Variants in CDK14 observed in about 807,000 individuals in gnomAD.
The protein encoded by CDK14 is cyclin-dependent kinase 14.
In CDK14, 34 loss-of-function variants were observed where a neutral mutation model predicts 60.7. That is an observed-to-expected ratio of 0.56 (90% CI 0.43 to 0.75). The LOEUF is 0.75. CDK14 is among the 30% of genes least tolerant of loss of function. CDK14 has a pLI of 0.00. For missense variants in CDK14, 482 were observed against 564.1 expected (o/e 0.85, Z 1.47); for synonymous variants, 197 against 203.7 (o/e 0.97, Z 0.28).
intron 10 of CDK14, 26 bp from the exon 11 acceptor site, chr7:91,045,871 T>C (rs760229250): frequency 6.6e-7 from 1 of 1,518,530 alleles, no homozygotes; most frequent in Non-Finnish European, 9.1e-7. Flanking sequence ...ATAAGGCTGT[T>C]TCCACAATCT....
At chr7:91,044,702 T>C (rs1200932363) in intron 10 of CDK14, among the ~76,000 whole-genome samples, 1 of 152,174 alleles carries the variant, frequency 6.6e-6, no homozygotes, top group Non-Finnish European at 1.5e-5. Flanking sequence ...TATCTAGTGG[T>C]CCTTCTTCTC....
chr7:90,934,096 A>G (rs572331567), intron 8 of CDK14, among the ~76,000 whole-genome samples: 9 of 152,308 alleles, frequency 5.9e-5, no homozygotes, highest in Admixed American at 1.3e-4. Context: ...CCAAGCTCCA[A>G]CCTTCATCAT....
At chr7:90,816,443 G>A (rs975099181) in intron 5 of CDK14, among the ~76,000 whole-genome samples, 2 of 152,122 alleles carry the variant, frequency 1.3e-5, no homozygotes, top group Non-Finnish European at 2.9e-5. Flanking sequence ...CAGTTTCTAG[G>A]ACTTATTTTC....
intron 5 of CDK14, among the ~76,000 whole-genome samples, chr7:90,830,160 G>T (rs1295264755): frequency 6.6e-6 from 1 of 152,148 alleles, no homozygotes; most frequent in African/African-American, 2.4e-5. Context: ...CCTAGTAGAG[G>T]TTCTCTATAA....
At chr7:90,626,458 C>T (rs1398360536) in intron 2 of CDK14, among the ~76,000 whole-genome samples, 1 of 152,146 alleles carries the variant, frequency 6.6e-6, no homozygotes, top group African/African-American at 2.4e-5. Context: ...CTCCAAAATT[C>T]ATGTTTTCTG....
At chr7:90,752,867 T>C (rs1008607292) in intron 4 of CDK14, among the ~76,000 whole-genome samples, 10 of 152,144 alleles carry the variant, frequency 6.6e-5, no homozygotes, top group Non-Finnish European at 1.0e-4. Flanking sequence ...TAGGAACAAC[T>C]CTATGTATAC....
chr7:90,955,342 G>C (rs1313028051), intron 8 of CDK14, among the ~76,000 whole-genome samples: 1 of 152,048 alleles, frequency 6.6e-6, no homozygotes, highest in African/African-American at 2.4e-5. Flanking sequence ...TTTTTTCTCA[G>C]TTATTTGACC....
At chr7:90,916,413 C>T (rs879714344) in intron 7 of CDK14, among the ~76,000 whole-genome samples, 2 of 152,184 alleles carry the variant, frequency 1.3e-5, no homozygotes, top group Non-Finnish European at 2.9e-5. Context: ...TACATATTCT[C>T]GCATACAAAG....
intron 4 of CDK14, among the ~76,000 whole-genome samples, chr7:90,763,459 C>T (rs548681611): frequency 7.2e-5 from 11 of 152,164 alleles, no homozygotes; most frequent in African/African-American, 2.2e-4. Flanking sequence ...ATTTGGGGGC[C>T]GTGTTTTAAA....
chr7:90,884,352 A>G (rs1791873620), intron 6 of CDK14, among the ~76,000 whole-genome samples: 1 of 152,196 alleles, frequency 6.6e-6, no homozygotes, highest in African/African-American at 2.4e-5. Context: ...AAAGAGAATA[A>G]AATACCTAGG....
rs1175043057 is a variant in CDK14 at position 91,022,235 on chromosome 7, A to G, written c.1042-23662A>G. ...TGAGGAGCCAAGAGGCAGCTTCAGTAGTTGTATAATTCATACTCTGTGTCT... is the reference window on the plus strand; with the variant it reads ...TGAGGAGCCAAGAGGCAGCTTCAGTGGTTGTATAATTCATACTCTGTGTCT... On this transcript the variant is annotated intron_variant, in intron 10 of 14. Transcript: ENST00000380050. Among the ~76,000 whole-genome samples, 3 of 152,162 alleles carry G rather than the reference A, an allele frequency of 2.0e-5. No individual in the cohort carries two copies. In the South Asian group the frequency reaches 6.2e-4, roughly 32 times the overall value.
intron 14 of CDK14, among the ~76,000 whole-genome samples, chr7:91,189,034 A>G (rs943540349): frequency 6.6e-6 from 1 of 152,200 alleles, no homozygotes. Context: ...AACTTAGCAT[A>G]TTATCTTTTT....
chr7:90,959,324 C>T (rs1293954342), intron 9 of CDK14, among the ~76,000 whole-genome samples: 8 of 152,112 alleles, frequency 5.3e-5, no homozygotes, highest in Admixed American at 5.2e-4. Context: ...GGTACACCTG[C>T]CTGTCTGAAT....
intron 2 of CDK14, among the ~76,000 whole-genome samples, chr7:90,693,574 A>G (rs1052733049): frequency 6.6e-6 from 1 of 152,058 alleles, no homozygotes. Context: ...AGAGCGGGAG[A>G]GCAGAAATTG....
intron 5 of CDK14, among the ~76,000 whole-genome samples, chr7:90,861,379 A>G (rs1791004651): frequency 6.6e-6 from 1 of 152,222 alleles, no homozygotes; most frequent in Non-Finnish European, 1.5e-5. Flanking sequence ...AGAGACAGCA[A>G]CAAGCCTGTG....
chr7:90,838,777 T>A (rs1253007750), intron 5 of CDK14, among the ~76,000 whole-genome samples: 3 of 152,186 alleles, frequency 2.0e-5, no homozygotes, highest in Admixed American at 2.0e-4. Flanking sequence ...TCTTGAACCC[T>A]GTTTCCTGTT....
intron 8 of CDK14, among the ~76,000 whole-genome samples, chr7:90,925,732 G>A (rs1406206016): frequency 6.6e-6 from 1 of 152,144 alleles, no homozygotes; most frequent in East Asian, 1.9e-4. Context: ...AATGACATGT[G>A]AGCATTTTGC....
At chr7:90,813,243 C>T (rs1227204279) in intron 5 of CDK14, among the ~76,000 whole-genome samples, 1 of 152,130 alleles carries the variant, frequency 6.6e-6, no homozygotes, top group Non-Finnish European at 1.5e-5. Context: ...GCTCCCAGAA[C>T]TTTCCAGAAA....
intron 2 of CDK14, 106 bp from the exon 3 acceptor site, chr7:90,726,461 T>C: frequency 7.5e-7 from 1 of 1,335,018 alleles, no homozygotes; most frequent in Non-Finnish European, 1.0e-6. Context: ...TTTTTGGGTA[T>C]TTCCTGAAAC....
Sources: allele counts gnomAD v4.1 joint callset (sites outside exome capture counted in the v4.1 genomes callset), GRCh38; gene constraint gnomAD v4.1.1; transcripts MANE v1.5; gene names NCBI Gene and HGNC (gene_info 2026-07-23, HGNC 2026-07-21).